TAFA1: variants seen among roughly 807,000 people sequenced by gnomAD.
TAFA1 encodes the protein chemokine-like protein TAFA-1.
TAFA1 carries 4 observed loss-of-function variants against 18.5 expected under a neutral mutation model. That is an observed-to-expected ratio of 0.22 (90% CI 0.11 to 0.49). The LOEUF (loss-of-function observed/expected upper bound fraction) is 0.49, where lower values mean the gene tolerates loss of function less well. TAFA1 is among the 20% of genes least tolerant of loss of function. The probability of loss-of-function intolerance (pLI) is 0.98; values close to 1 mark genes in which losing one functional copy is unlikely to be tolerated. For synonymous variants in TAFA1, 56 were observed against 55.2 expected, an observed-to-expected ratio of 1.01 and a Z score of -0.06; for missense variants, 147 against 169.0, an observed-to-expected ratio of 0.87 and a Z score of 0.72.
intron 3 of TAFA1, among the ~76,000 whole-genome samples, chr3:68,497,478 A>G (rs1033145994): frequency 6.6e-6 from 1 of 152,182 alleles, no homozygotes; most frequent in Non-Finnish European, 1.5e-5. Context: ...TAGCCAAGCT[A>G]AGACATAAAG....
intron 2 of TAFA1, among the ~76,000 whole-genome samples, chr3:68,148,911 CT>C (rs2065774194): frequency 6.6e-6 from 1 of 152,148 alleles, no homozygotes; most frequent in Non-Finnish European, 1.5e-5. Flanking sequence ...AAATGAATTT[CT>C]TTTTCAAAGA....
intron 3 of TAFA1, among the ~76,000 whole-genome samples, chr3:68,507,213 T>C (rs775901037): frequency 3.3e-5 from 5 of 152,000 alleles, no homozygotes; most frequent in Admixed American, 1.3e-4. Flanking sequence ...AGTTAGCTTA[T>C]TTTACCATAG....
intron 2 of TAFA1, among the ~76,000 whole-genome samples, chr3:68,344,192 A>G (rs939168937): frequency 6.6e-6 from 1 of 152,196 alleles, no homozygotes; most frequent in African/African-American, 2.4e-5. Context: ...ATTTTATAAT[A>G]TCTCTCAAAT....
At chr3:68,439,412 C>CATACATACATATAT (rs1264523262) in intron 3 of TAFA1, among the ~76,000 whole-genome samples, 5 of 73,432 alleles carry the variant, frequency 6.8e-5, no homozygotes, top group East Asian at 4.2e-4. Context: ...TATATACATA[C>CATACATACATATAT]ATATATATAT....
At chr3:68,444,799 T>G (rs867328662) in intron 3 of TAFA1, among the ~76,000 whole-genome samples, 1 of 65,598 alleles carries the variant, frequency 1.5e-5, no homozygotes, top group Admixed American at 1.4e-4. Context: ...TATATATATA[T>G]ATATATATAT....
At chr3:68,524,659 T>A (rs1024042842) in intron 3 of TAFA1, among the ~76,000 whole-genome samples, 2 of 143,126 alleles carry the variant, frequency 1.4e-5, no homozygotes, top group African/African-American at 4.9e-5. Context: ...AGGTTGTTTT[T>A]TGTTTTTGTT....
chr3:68,272,172 T>C (rs2067688842), intron 2 of TAFA1, among the ~76,000 whole-genome samples: 1 of 152,164 alleles, frequency 6.6e-6, no homozygotes, highest in Non-Finnish European at 1.5e-5. Flanking sequence ...GCTGCTCTTT[T>C]GTAATAAAAC....
At chr3:68,292,426 A>AC (rs930950594) in intron 2 of TAFA1, among the ~76,000 whole-genome samples, 3 of 150,276 alleles carry the variant, frequency 2.0e-5, no homozygotes, top group Non-Finnish European at 4.4e-5. Flanking sequence ...AAAAAAAACA[A>AC]AAAAAAAAAC....
chr3:68,242,967 GT>G (rs1402096194), intron 2 of TAFA1, among the ~76,000 whole-genome samples: 1 of 152,068 alleles, frequency 6.6e-6, no homozygotes, highest in African/African-American at 2.4e-5. Flanking sequence ...TTATATGATT[GT>G]ATGATTATTA....
chr3:68,276,009 T>C (rs1414269611), intron 2 of TAFA1, among the ~76,000 whole-genome samples: 1 of 152,104 alleles, frequency 6.6e-6, no homozygotes, highest in Non-Finnish European at 1.5e-5. Context: ...CTAGTACCTG[T>C]TAGACTCTCA....
chr3:68,403,304 C>A (rs74414058), intron 2 of TAFA1, among the ~76,000 whole-genome samples: 1 of 152,154 alleles, frequency 6.6e-6, no homozygotes, highest in Non-Finnish European at 1.5e-5. Flanking sequence ...CTGTATAGTA[C>A]GCTTTGTTAA....
intron 2 of TAFA1, among the ~76,000 whole-genome samples, chr3:68,256,397 C>T (rs2067298089): frequency 2.6e-5 from 4 of 152,238 alleles, no homozygotes. Flanking sequence ...GAGACCAAGA[C>T]CTTGATTAGG....
chr3:68,390,249 C>T (rs1433012730), intron 2 of TAFA1, among the ~76,000 whole-genome samples: 2 of 152,124 alleles, frequency 1.3e-5, no homozygotes, highest in Admixed American at 1.3e-4. Context: ...GAAGTTCAGA[C>T]TGGGCAGAGC....
chr3:68,283,352 A>C (rs1194007570), intron 2 of TAFA1, among the ~76,000 whole-genome samples: 1 of 152,200 alleles, frequency 6.6e-6, no homozygotes, highest in Non-Finnish European at 1.5e-5. Flanking sequence ...TTCAGTATGC[A>C]TATGTATTAC....
chr3:68,431,458 T>G (rs1338536881), intron 3 of TAFA1, among the ~76,000 whole-genome samples: 1 of 151,976 alleles, frequency 6.6e-6, no homozygotes, highest in Non-Finnish European at 1.5e-5. Context: ...CTAATCTTCA[T>G]AACAATGCAT....
In TAFA1 at chr3:68,119,101, T is replaced by G. The variant is rs1246382751; in HGVS notation, c.118+112357T>G. Among the ~76,000 whole-genome samples, 2 of 151,780 alleles carry G rather than the reference T, an allele frequency of 1.3e-5. 1 individual carries two copies. The highest frequency in any genetic ancestry group is 2.9e-5 in the Non-Finnish European group (2 of 67,924). ...CATATAAGGTAGTATCTCATTATGA[T>G]TTTGATTTGCATTTCCATAATGATT... On this transcript the variant is annotated intron_variant, in intron 2 of 4. Transcript: ENST00000478136.
intron 2 of TAFA1, among the ~76,000 whole-genome samples, chr3:68,223,929 C>T (rs1559564816): frequency 6.6e-6 from 1 of 151,424 alleles, no homozygotes; most frequent in Non-Finnish European, 1.5e-5. Flanking sequence ...ACTACCTCAA[C>T]ATCAAGTATA....
intron 3 of TAFA1, among the ~76,000 whole-genome samples, chr3:68,533,034 C>T (rs190611593): frequency 5.3e-4 from 78 of 147,018 alleles, no homozygotes; most frequent in Admixed American, 4.2e-3. Flanking sequence ...AAGAGGGTTT[C>T]GAGGGCTTCA....
At chr3:68,412,121 G>A (rs1157806320) in intron 2 of TAFA1, among the ~76,000 whole-genome samples, 1 of 152,134 alleles carries the variant, frequency 6.6e-6, no homozygotes, top group Non-Finnish European at 1.5e-5. Flanking sequence ...GTGAGCCTAA[G>A]GAAGATATGG....
Sources: gnomAD v4.1 joint callset for allele counts (sites outside exome capture counted in the v4.1 genomes callset) on GRCh38, gnomAD v4.1.1 for gene constraint, MANE v1.5 for transcripts, NCBI Gene and HGNC (gene_info 2026-07-23, HGNC 2026-07-21) for gene names.